HOMER1: variants seen among roughly 807,000 people sequenced by gnomAD.
HOMER1 encodes the protein homer protein homolog 1.
HOMER1 carries 3 observed loss-of-function variants against 48.9 expected under a neutral mutation model. That is an observed-to-expected ratio of 0.06 (90% confidence interval 0.03 to 0.16). The LOEUF is 0.16. Ranked by LOEUF, HOMER1 falls within the 10% of genes least tolerant of loss-of-function variation. The pLI, the probability that HOMER1 is intolerant of heterozygous loss-of-function variation, is 1.00. For missense variants in HOMER1, 247 were observed against 411.4 expected (o/e 0.60, Z 3.46); for synonymous variants, 134 against 146.4 (o/e 0.92, Z 0.61).
Position 79,392,958 on chromosome 5 carries a change from A to AGAGG in HOMER1, c.876+3864_876+3865insCCTC, listed in dbSNP as rs772825171. Among the ~76,000 whole-genome samples, 8 of 67,030 alleles carry AGAGG rather than the reference A, an allele frequency of 1.2e-4. No individual in the cohort carries two copies. In the Admixed American group the frequency reaches 1.6e-3, roughly 14 times the overall value. 44.0% of individuals were successfully genotyped at this position (67,030 alleles called of 152,430 possible). The stretch of plus-strand genomic sequence containing the variant: ...GGGAGGGAAAAGAAGGGAAAGGGAG[A>AGAGG]GAGAGAGAGAGAGAGAGAGAGAGAG... On this transcript the variant is annotated intron_variant, in intron 8 of 8. Coordinates refer to ENST00000334082, the MANE Select transcript of HOMER1 (RefSeq NM_004272.5).
At position 79,513,768 on chromosome 5, in the gene HOMER1, C is replaced by T; in HGVS notation, c.-994G>A. 6.6e-6 allele frequency: 1 copy of T among 152,598 alleles called. No individual in the cohort carries two copies. Among genetic ancestry groups the T allele is most frequent in the Non-Finnish European group, 1.5e-5 (1 of 68,276 alleles). The allele number at this position is 152,598 out of a possible 1,614,324, so 9.5% of individuals were successfully genotyped here. A position where few individuals can be genotyped will look rare whatever the true frequency, so the allele number is the denominator to read the frequency against. On this transcript the variant is annotated 5_prime_UTR_variant, in exon 1 of 9. Coordinates refer to ENST00000334082, the MANE Select transcript of HOMER1 (RefSeq NM_004272.5). ...ACCCTGCCCCCAGCTCCAGGGCGGG[C>T]GAAAGGGGCCGAAGGGTCGACGGGC...
At chr5:79,470,739 T>C (rs543871487) in intron 1 of HOMER1, among the ~76,000 whole-genome samples, 1 of 152,302 alleles carries the variant, frequency 6.6e-6, no homozygotes, top group Admixed American at 6.5e-5. Context: ...CCAAAGCAGC[T>C]GGTGGGAGTA....
At chr5:79,510,620 A>G in intron 1 of HOMER1, 1 of 890,642 alleles carries the variant, frequency 1.1e-6, no homozygotes, top group Non-Finnish European at 1.9e-6. Flanking sequence ...TAACAGTGCC[A>G]AGGCCATGAG....
At chr5:79,401,795 C>A in intron 6 of HOMER1, 104 bp downstream of exon 6, 1 of 1,082,054 alleles carries the variant, frequency 9.2e-7, no homozygotes, top group Non-Finnish European at 1.4e-6. Flanking sequence ...GTTCTGACAT[C>A]CTAGAACTAG....
intron 5 of HOMER1, among the ~76,000 whole-genome samples, chr5:79,437,640 T>C (rs1229779225): frequency 6.6e-6 from 1 of 152,200 alleles, no homozygotes; most frequent in Non-Finnish European, 1.5e-5. Flanking sequence ...TTTCCTCTGT[T>C]CATTCCTAAA....
intron 1 of HOMER1, among the ~76,000 whole-genome samples, chr5:79,473,324 C>CT (rs147793941): frequency 2.1e-4 from 32 of 152,176 alleles, no homozygotes; most frequent in African/African-American, 6.0e-4. Context: ...ATTTGTGATT[C>CT]TTTTTTTGTT....
intron 1 of HOMER1, among the ~76,000 whole-genome samples, chr5:79,471,223 TCA>T (rs1490131905): frequency 6.6e-6 from 1 of 152,048 alleles, no homozygotes; most frequent in Non-Finnish European, 1.5e-5. Context: ...CCCATCTCAC[TCA>T]CAGTAAAATA....
chr5:79,441,766 A>T (rs918242788), intron 4 of HOMER1, among the ~76,000 whole-genome samples: 5 of 152,056 alleles, frequency 3.3e-5, no homozygotes, highest in Non-Finnish European at 7.4e-5. Context: ...TGAGGGCACA[A>T]AAGGAAAATG....
At chr5:79,435,000 T>C (rs1382344234) in intron 5 of HOMER1, among the ~76,000 whole-genome samples, 1 of 152,198 alleles carries the variant, frequency 6.6e-6, no homozygotes, top group Non-Finnish European at 1.5e-5. Context: ...GAGGACTAGA[T>C]GAGGGCAGAG....
intron 2 of HOMER1, among the ~76,000 whole-genome samples, chr5:79,451,827 C>T (rs1751037133): frequency 6.6e-6 from 1 of 152,018 alleles, no homozygotes; most frequent in Non-Finnish European, 1.5e-5. Flanking sequence ...TCCCAAAGTG[C>T]TGGGATTACA....
intron 1 of HOMER1, among the ~76,000 whole-genome samples, chr5:79,501,599 A>T (rs1752594499): frequency 6.6e-6 from 1 of 152,236 alleles, no homozygotes; most frequent in Non-Finnish European, 1.5e-5. Flanking sequence ...ACTCACCTAT[A>T]AGAAACTAAG....
At chr5:79,442,830 T>C (rs1750772646) in intron 4 of HOMER1, among the ~76,000 whole-genome samples, 1 of 152,132 alleles carries the variant, frequency 6.6e-6, no homozygotes, top group African/African-American at 2.4e-5. Context: ...AAACGATACA[T>C]AAAGGAAGAT....
At chr5:79,387,003 C>T (rs1215258028) in intron 8 of HOMER1, among the ~76,000 whole-genome samples, 1 of 137,620 alleles carries the variant, frequency 7.3e-6, no homozygotes, top group Non-Finnish European at 1.6e-5. Context: ...ACCTCCCCCT[C>T]CCCCTTCCCC....
chr5:79,483,945 C>A (rs1752020879), intron 1 of HOMER1, among the ~76,000 whole-genome samples: 1 of 148,232 alleles, frequency 6.7e-6, no homozygotes, highest in Admixed American at 6.9e-5. Flanking sequence ...TCTCGGGAGG[C>A]TGAAGCAGGA....
intron 1 of HOMER1, among the ~76,000 whole-genome samples, chr5:79,504,810 G>T: frequency 6.6e-6 from 1 of 151,916 alleles, no homozygotes; most frequent in East Asian, 1.9e-4. Flanking sequence ...TCCAACTATC[G>T]GCCTAATTGC....
chr5:79,488,355 C>T (rs1752177377), intron 1 of HOMER1, among the ~76,000 whole-genome samples: 1 of 152,218 alleles, frequency 6.6e-6, no homozygotes, highest in African/African-American at 2.4e-5. Context: ...ATACCCAATC[C>T]ACTATCCTTT....
chr5:79,498,919 T>G (rs1452294763), intron 1 of HOMER1, among the ~76,000 whole-genome samples: 1 of 150,184 alleles, frequency 6.7e-6, no homozygotes, highest in Non-Finnish European at 1.5e-5. Context: ...CATTGCAATC[T>G]CCACCTCCCA....
At chr5:79,442,973 G>A (rs1262815146) in intron 4 of HOMER1, among the ~76,000 whole-genome samples, 2 of 152,244 alleles carry the variant, frequency 1.3e-5, no homozygotes, top group East Asian at 3.9e-4. Context: ...CTGACTTTCT[G>A]GATTAATTTA....
intron 1 of HOMER1, among the ~76,000 whole-genome samples, chr5:79,463,888 G>A (rs1481288833): frequency 6.6e-6 from 1 of 152,052 alleles, no homozygotes; most frequent in Non-Finnish European, 1.5e-5. Flanking sequence ...CTGCAATAAG[G>A]ATTTAAAATC....
Sources: gnomAD v4.1 joint callset for allele counts (sites outside exome capture counted in the v4.1 genomes callset) on GRCh38, gnomAD v4.1.1 for gene constraint, MANE v1.5 for transcripts, NCBI Gene and HGNC (gene_info 2026-07-23, HGNC 2026-07-21) for gene names.